DENND1B: variants seen among roughly 807,000 people sequenced by gnomAD.
The protein encoded by DENND1B is DENN domain containing 1B.
A neutral mutation model predicts 90.1 loss-of-function variants in DENND1B; 59 were observed. The ratio of observed to expected loss-of-function variants is 0.65; its 90% CI spans 0.53 to 0.81. The LOEUF (loss-of-function observed/expected upper bound fraction) is 0.81, where lower values mean the gene tolerates loss of function less well. Among genes scored for constraint, DENND1B ranks in the 40% least tolerant of loss-of-function variants. The pLI is 0.00. For missense variants in DENND1B, 862 were observed against 912.6 expected, an observed-to-expected ratio of 0.94 and a Z score of 0.71; for synonymous variants, 337 against 324.6, an observed-to-expected ratio of 1.04 and a Z score of -0.41.
intron 16 of DENND1B, chr1:197,552,163 T>C (rs1336013536): frequency 1.1e-6 from 1 of 921,898 alleles, no homozygotes; most frequent in African/African-American, 1.8e-5. Flanking sequence ...TTTATTTACA[T>C]ATAGACTGAA....
chr1:197,770,698 A>G (rs1656382540), intron 2 of DENND1B, among the ~76,000 whole-genome samples: 1 of 143,566 alleles, frequency 7.0e-6, no homozygotes. Flanking sequence ...ATAAATATAT[A>G]TCTATAAATA....
Position 197,508,762 on chromosome 1 carries a change from A to T in DENND1B, c.*1698T>A, listed in dbSNP as rs1667844721. On this transcript the variant is annotated 3_prime_UTR_variant, in exon 23 of 23. Transcript: ENST00000620048. ...GGATGTATAAAGTGGATATACTGAA[A>T]ATGCTAATAACAATTTAACCATACT... 1 of 151,760 alleles carries T rather than the reference A, an allele frequency of 6.6e-6. No homozygotes were observed. The highest frequency in any genetic ancestry group is 2.4e-5 in the African/African-American group (1 of 41,360). 9.4% of individuals were successfully genotyped at this position (151,760 alleles called of 1,614,324 possible). A position where few individuals can be genotyped will look rare whatever the true frequency, so the allele number is the denominator to read the frequency against.
At chr1:197,513,822 A>G (rs1294312791) in intron 20 of DENND1B, among the ~76,000 whole-genome samples, 1 of 151,350 alleles carries the variant, frequency 6.6e-6, no homozygotes, top group Non-Finnish European at 1.5e-5. Context: ...ACTCAGTTCA[A>G]CCTTCCCTCT....
chr1:197,649,878 T>C (rs768387714), intron 7 of DENND1B, among the ~76,000 whole-genome samples: 3 of 152,152 alleles, frequency 2.0e-5, no homozygotes, highest in South Asian at 2.1e-4. Context: ...TGGGACTTAA[T>C]TAAGCTAAAG....
At chr1:197,574,636 C>A (rs1212889000) in intron 15 of DENND1B, among the ~76,000 whole-genome samples, 1 of 152,146 alleles carries the variant, frequency 6.6e-6, no homozygotes, top group South Asian at 2.1e-4. Context: ...ATTGCCAAGA[C>A]AATCCTAAGC....
intron 3 of DENND1B, among the ~76,000 whole-genome samples, chr1:197,704,855 T>A (rs114176215): frequency 0.017 from 2,497 of 151,250 alleles, 70 homozygotes; most frequent in African/African-American, 0.058. Context: ...AAAAAAAAAA[T>A]AAAGCTAAAA....
At chr1:197,735,630 G>A (rs1041369130) in intron 2 of DENND1B, 14 of 1,614,034 alleles carry the variant, frequency 8.7e-6, no homozygotes, top group Non-Finnish European at 1.0e-5. Flanking sequence ...CCGTGGAGCT[G>A]CCGCCATGAA....
intron 14 of DENND1B, among the ~76,000 whole-genome samples, chr1:197,594,936 A>T: frequency 6.6e-6 from 1 of 152,184 alleles, no homozygotes; most frequent in Admixed American, 6.5e-5. Context: ...GTCTTTAATT[A>T]GTTAAGGAGT....
rs1427171552 is a variant in DENND1B at position 197,670,806 on chromosome 1, C to A, written c.296+1231G>T. Among the ~76,000 whole-genome samples the A allele has an allele frequency of 2.6e-5, 4 of 152,172 alleles. No individual in the cohort carries two copies. The East Asian group carries it at 7.7e-4, about 29-fold the overall frequency. ...TCCCCACCATTGCCCACACTGTCAT[C>A]TCCAACCCCACTGCCCAGCCAACCT... is the stretch of plus-strand genomic sequence containing the variant. On this transcript the variant is annotated intron_variant, in intron 5 of 22. Transcript: ENST00000620048.
chr1:197,548,936 T>C (rs1277651594), intron 16 of DENND1B, among the ~76,000 whole-genome samples: 1 of 152,170 alleles, frequency 6.6e-6, no homozygotes, highest in Admixed American at 6.6e-5. Context: ...TTTTAAGGGC[T>C]AATTGTGCCT....
intron 5 of DENND1B, 51 bp downstream of exon 5, chr1:197,671,986 G>C (rs77482244): frequency 2.5e-6 from 4 of 1,576,858 alleles, no homozygotes; most frequent in Non-Finnish European, 3.4e-6. Context: ...AAGTACAATA[G>C]AGAGATAGTT....
chr1:197,653,816 G>A (rs971473132), intron 6 of DENND1B, among the ~76,000 whole-genome samples: 1 of 151,956 alleles, frequency 6.6e-6, no homozygotes, highest in Non-Finnish European at 1.5e-5. Context: ...TAAAGGAAAA[G>A]TATTCAAAAT....
intron 5 of DENND1B, among the ~76,000 whole-genome samples, chr1:197,662,840 C>T (rs1244413227): frequency 6.6e-6 from 1 of 152,046 alleles, no homozygotes; most frequent in Non-Finnish European, 1.5e-5. Flanking sequence ...ATTCTATCTT[C>T]TAAAATTCAT....
chr1:197,639,655 G>T (rs1238577372), intron 10 of DENND1B, among the ~76,000 whole-genome samples: 1 of 151,746 alleles, frequency 6.6e-6, no homozygotes, highest in African/African-American at 2.4e-5. Flanking sequence ...CGTTAATTTC[G>T]AACATTAAAC....
In DENND1B at chr1:197,512,971, C is replaced by T. The variant is rs751657304; in HGVS notation, c.1516-18G>A. Reference sequence around the variant, plus strand: ...AAGCGTGCCTGGAGAGAGAGATTGACAATAAATTGGCATTAGCAGTTTAAA... The same window carrying T: ...AAGCGTGCCTGGAGAGAGAGATTGATAATAAATTGGCATTAGCAGTTTAAA... On this transcript the variant is annotated intron_variant, in intron 20 of 22. Transcript: ENST00000620048. The T allele has an allele frequency of 8.8e-6, 14 of 1,596,302 alleles. No individual in the cohort carries two copies. Among genetic ancestry groups the T allele is most frequent in the Non-Finnish European group, 1.2e-5 (14 of 1,171,536 alleles).
Position 197,770,748 on chromosome 1 carries a change from CTATAAA to C in DENND1B, c.82+2114_82+2119del, listed in dbSNP as rs1571695448. 2.4e-5 allele frequency among the ~76,000 whole-genome samples: 3 copies of C among 122,648 alleles called. No homozygotes were observed. In the East Asian group the frequency reaches 6.7e-4, roughly 27 times the overall value. 80.5% of individuals were successfully genotyped at this position (122,648 alleles called of 152,430 possible). A position where few individuals can be genotyped will look rare whatever the true frequency, so the allele number is the denominator to read the frequency against. ...TATAAATATATATAAATATATATAT[CTATAAA>C]TATATATAAATATATATCTATAAAT... On this transcript the variant is annotated intron_variant, in intron 2 of 22. Transcript: ENST00000620048.
chr1:197,771,392 G>A (rs751975756), intron 2 of DENND1B, among the ~76,000 whole-genome samples: 1 of 152,044 alleles, frequency 6.6e-6, no homozygotes, highest in Admixed American at 6.5e-5. Context: ...AAGAGGACCC[G>A]GTTGGGGCTC....
intron 2 of DENND1B, among the ~76,000 whole-genome samples, chr1:197,757,154 CTA>C (rs1654417012): frequency 6.6e-6 from 1 of 152,048 alleles, no homozygotes; most frequent in African/African-American, 2.4e-5. Flanking sequence ...TTTATTATCT[CTA>C]TTGATCATCA....
intron 3 of DENND1B, among the ~76,000 whole-genome samples, chr1:197,680,131 T>TA (rs900001069): frequency 1.8e-4 from 27 of 152,118 alleles, no homozygotes; most frequent in Non-Finnish European, 3.2e-4. Context: ...CCCTCTCTCT[T>TA]AAAAAAAGTT....
Sources: allele counts gnomAD v4.1 joint callset (sites outside exome capture counted in the v4.1 genomes callset), GRCh38; gene constraint gnomAD v4.1.1; transcripts MANE v1.5; gene names NCBI Gene and HGNC (gene_info 2026-07-23, HGNC 2026-07-21).